The following NDFIP2 variants were observed in gnomAD, a reference collection of about 807,000 sequenced individuals.
NDFIP2 encodes the protein NEDD4 family-interacting protein 2.
NDFIP2 carries 19 observed loss-of-function variants against 36.0 expected under a neutral mutation model. That is an observed-to-expected ratio of 0.53 (90% CI 0.37 to 0.77). NDFIP2 has a LOEUF of 0.77. Ranked by LOEUF, NDFIP2 falls within the 30% of genes least tolerant of loss-of-function variation. The pLI, the probability that NDFIP2 is intolerant of heterozygous loss-of-function variation, is 0.00. For missense variants in NDFIP2, 446 were observed against 435.8 expected (o/e 1.02, Z -0.21); for synonymous variants, 181 against 167.7 (o/e 1.08, Z -0.61).
At chr13:79,498,020 GAT>G (rs371769511) in intron 1 of NDFIP2, among the ~76,000 whole-genome samples, 4 of 151,700 alleles carry the variant, frequency 2.6e-5, no homozygotes, top group African/African-American at 9.7e-5. Flanking sequence ...TGGATTCAAA[GAT>G]GTGTGTGTAT....
At chr13:79,489,035 C>A (rs180896653) in intron 1 of NDFIP2, among the ~76,000 whole-genome samples, 1 of 152,244 alleles carries the variant, frequency 6.6e-6, no homozygotes, top group East Asian at 1.9e-4. Context: ...ATAGGCCCAG[C>A]TGTGATGGAG....
At chr13:79,525,849 C>A (rs1874774743) in intron 2 of NDFIP2, among the ~76,000 whole-genome samples, 1 of 152,182 alleles carries the variant, frequency 6.6e-6, no homozygotes. Flanking sequence ...TAAGGCAGAA[C>A]TATTGTATAT....
At chr13:79,508,851 T>C (rs1329371974) in intron 1 of NDFIP2, among the ~76,000 whole-genome samples, 1 of 152,182 alleles carries the variant, frequency 6.6e-6, no homozygotes, top group Admixed American at 6.5e-5. Context: ...ACCAGATTGT[T>C]CTTCAAGGTG....
Position 79,481,223 on chromosome 13 carries a change from A to AGCGAGTCTGCGCGAGCGGT in NDFIP2, c.21_39dup (p.Pro14AlafsTer12), listed in dbSNP as rs2079808967. 1.3e-6 allele frequency: 2 copies of AGCGAGTCTGCGCGAGCGGT among 1,518,952 alleles called. No individual in the cohort carries two copies. The highest frequency in any genetic ancestry group is 1.8e-6 in the Non-Finnish European group (2 of 1,139,400). 94.1% of individuals were successfully genotyped at this position (1,518,952 alleles called of 1,614,324 possible). On this transcript the variant is annotated frameshift_variant, in exon 1 of 8. Transcript: ENST00000218652. LOFTEE classifies it high-confidence loss of function. ...GCGCGGATGGCACGCCGGCGGAGCCAGCGAGTCTGCGCGAGCGGTCCGAGC... is the reference window on the plus strand; with the variant it reads ...GCGCGGATGGCACGCCGGCGGAGCCAGCGAGTCTGCGCGAGCGGTGCGAGTCTGCGCGAGCGGTCCGAGC...
At chr13:79,482,513 G>A (rs2079821205) in intron 1 of NDFIP2, among the ~76,000 whole-genome samples, 1 of 152,096 alleles carries the variant, frequency 6.6e-6, no homozygotes, top group African/African-American at 2.4e-5. Context: ...TTTACTGAGG[G>A]AGAGGAGAAA....
intron 1 of NDFIP2, among the ~76,000 whole-genome samples, chr13:79,486,984 T>A (rs555941532): frequency 6.6e-6 from 1 of 152,162 alleles, no homozygotes; most frequent in South Asian, 2.1e-4. Context: ...TCATCCATCA[T>A]AGGGACCCCA....
Position 79,554,909 on chromosome 13 carries a change from G to T in NDFIP2, c.*2396G>T, listed in dbSNP as rs1428673147. 1 of 151,790 alleles carries T rather than the reference G, an allele frequency of 6.6e-6. No individual in the cohort carries two copies. The highest frequency in any genetic ancestry group is 1.5e-5 in the Non-Finnish European group (1 of 67,784). The allele number at this position is 151,790 out of a possible 1,614,324, so 9.4% of individuals were successfully genotyped here. On this transcript the variant is annotated 3_prime_UTR_variant, in exon 8 of 8. Transcript: ENST00000218652. Reference sequence around the variant, plus strand: ...CATGGCTAGGATAATCCATTTTCATGTATTTATGCAATAAACTGAATTTTA... The same window carrying T: ...CATGGCTAGGATAATCCATTTTCATTTATTTATGCAATAAACTGAATTTTA...
intron 1 of NDFIP2, among the ~76,000 whole-genome samples, chr13:79,506,028 T>C (rs958019913): frequency 6.6e-6 from 1 of 152,192 alleles, no homozygotes; most frequent in Non-Finnish European, 1.5e-5. Flanking sequence ...TTTATCATCA[T>C]GGAGAAATCT....
chr13:79,483,256 C>T (rs955832157), intron 1 of NDFIP2, among the ~76,000 whole-genome samples: 8 of 151,964 alleles, frequency 5.3e-5, no homozygotes, highest in African/African-American at 1.9e-4. Flanking sequence ...ATCTGTTCTC[C>T]TTGTAAGGCA....
intron 1 of NDFIP2, among the ~76,000 whole-genome samples, chr13:79,484,235 G>A (rs1406723876): frequency 2.0e-5 from 3 of 152,014 alleles, no homozygotes; most frequent in Non-Finnish European, 4.4e-5. Context: ...GGCTGGTCTC[G>A]AACTCCTGAC....
At chr13:79,481,569 C>A (rs1245233129) in intron 1 of NDFIP2, 45 bp downstream of exon 1, 1 of 1,511,590 alleles carries the variant, frequency 6.6e-7, no homozygotes, top group East Asian at 2.5e-5. Context: ...CCTCCCGCCG[C>A]GGCGTCCCGA....
intron 6 of NDFIP2, among the ~76,000 whole-genome samples, chr13:79,550,538 A>G (rs1296989396): frequency 6.6e-6 from 1 of 151,154 alleles, no homozygotes; most frequent in East Asian, 1.9e-4. Flanking sequence ...CAGGCACTTG[A>G]TATTACTATA....
chr13:79,540,205 GA>G (rs1875402747), intron 4 of NDFIP2, among the ~76,000 whole-genome samples: 1 of 152,216 alleles, frequency 6.6e-6, no homozygotes, highest in African/African-American at 2.4e-5. Flanking sequence ...TGGGCAACTG[GA>G]ACAGTGTCAC....
intron 5 of NDFIP2, among the ~76,000 whole-genome samples, chr13:79,547,126 G>C (rs1566668977): frequency 1.3e-5 from 2 of 151,702 alleles, no homozygotes. Flanking sequence ...TTATTAATTG[G>C]AAATACTTCC....
At chr13:79,512,959 G>A (rs1874135877) in intron 1 of NDFIP2, among the ~76,000 whole-genome samples, 1 of 152,152 alleles carries the variant, frequency 6.6e-6, no homozygotes, top group Non-Finnish European at 1.5e-5. Context: ...ATTACTCTGT[G>A]TTGTCATTTT....
Position 79,513,519 on chromosome 13 carries a change from C to T in NDFIP2, c.322-7291C>T, listed in dbSNP as rs192311753. On this transcript the variant is annotated intron_variant, in intron 1 of 7. Transcript: ENST00000218652. ...TGATGAAACATATAGATATTAATGACATACATTGTGGGCTTTTCATGATAA... is the reference window on the plus strand; with the variant it reads ...TGATGAAACATATAGATATTAATGATATACATTGTGGGCTTTTCATGATAA... Among the ~76,000 whole-genome samples the T allele has an allele frequency of 1.1e-4, 17 of 152,180 alleles. 1 individual carries two copies. Among genetic ancestry groups the T allele is most frequent in the Admixed American group, 5.2e-4 (8 of 15,274 alleles).
chr13:79,488,952 A>G (rs1438647974), intron 1 of NDFIP2, among the ~76,000 whole-genome samples: 1 of 152,136 alleles, frequency 6.6e-6, no homozygotes, highest in Non-Finnish European at 1.5e-5. Flanking sequence ...TAATCCTTCC[A>G]CTTCTATGAA....
intron 1 of NDFIP2, among the ~76,000 whole-genome samples, chr13:79,501,995 GT>G (rs1279307060): frequency 1.3e-5 from 2 of 152,090 alleles, no homozygotes; most frequent in African/African-American, 4.8e-5. Context: ...GAAGCTAGAA[GT>G]TTTAGTGATT....
intron 3 of NDFIP2, 73 bp downstream of exon 3, chr13:79,533,529 A>ATATAT: frequency 7.2e-7 from 1 of 1,385,762 alleles, no homozygotes; most frequent in Non-Finnish European, 9.6e-7. Flanking sequence ...TAATACTAAA[A>ATATAT]ACAGTTCTTT....
Sources: allele counts gnomAD v4.1 joint callset (sites outside exome capture counted in the v4.1 genomes callset), GRCh38; gene constraint gnomAD v4.1.1; transcripts MANE v1.5; gene names NCBI Gene and HGNC (gene_info 2026-07-23, HGNC 2026-07-21).